Variants in GABPB1 observed in about 807,000 individuals in gnomAD.
The protein encoded by GABPB1 is GA-binding protein subunit beta-1.
A neutral mutation model predicts 45.9 loss-of-function variants in GABPB1; 15 were observed. The ratio of observed to expected loss-of-function variants is 0.33; its 90% CI spans 0.22 to 0.50. The LOEUF is 0.50. Ranked by LOEUF, GABPB1 falls within the 20% of genes least tolerant of loss-of-function variation. The pLI is 0.98. For synonymous variants in GABPB1, 143 were observed against 154.4 expected, an observed-to-expected ratio of 0.93 and a Z score of 0.55; for missense variants, 252 against 457.5, an observed-to-expected ratio of 0.55 and a Z score of 4.10.
chr15:50,289,173 G>A (rs968503821), intron 7 of GABPB1, among the ~76,000 whole-genome samples: 2 of 152,078 alleles, frequency 1.3e-5, no homozygotes, highest in African/African-American at 4.8e-5. Context: ...TATTATTTGT[G>A]TTGACATTTA....
intron 1 of GABPB1, among the ~76,000 whole-genome samples, chr15:50,337,850 A>G (rs193205564): frequency 8.4e-4 from 128 of 152,286 alleles, no homozygotes; most frequent in African/African-American, 3.1e-3. Context: ...AAATCCAGAA[A>G]AAAACTACTA....
intron 6 of GABPB1, among the ~76,000 whole-genome samples, chr15:50,290,617 TA>T: frequency 6.6e-6 from 1 of 151,924 alleles, no homozygotes; most frequent in South Asian, 2.1e-4. Context: ...CCACAATTCA[TA>T]AGATGAATTT....
chr15:50,348,246 CAGG>C (rs2141181674), intron 1 of GABPB1, among the ~76,000 whole-genome samples: 1 of 152,074 alleles, frequency 6.6e-6, no homozygotes, highest in Admixed American at 6.6e-5. Context: ...TCAGGACCAA[CAGG>C]AGTAGTTTTT....
chr15:50,343,765 C>T (rs977571148), intron 1 of GABPB1, among the ~76,000 whole-genome samples: 6 of 152,128 alleles, frequency 3.9e-5, no homozygotes, highest in African/African-American at 1.4e-4. Context: ...TCTTGATCTC[C>T]TGACCTCATG....
intron 1 of GABPB1, among the ~76,000 whole-genome samples, chr15:50,314,996 C>T (rs1199424355): frequency 2.0e-5 from 3 of 152,162 alleles, no homozygotes; most frequent in Non-Finnish European, 4.4e-5. Flanking sequence ...ACTGTGACAT[C>T]TAATGTAGTG....
intron 7 of GABPB1, among the ~76,000 whole-genome samples, chr15:50,287,529 T>C (rs2046205555): frequency 6.6e-6 from 1 of 152,108 alleles, no homozygotes; most frequent in Non-Finnish European, 1.5e-5. Flanking sequence ...AGGACACAGA[T>C]AACACAAATA....
intron 1 of GABPB1, chr15:50,354,351 C>G: frequency 2.2e-6 from 1 of 448,450 alleles, no homozygotes; most frequent in Non-Finnish European, 4.5e-6. Flanking sequence ...GCTGCGGGGG[C>G]CCCGCGCGGG....
chr15:50,301,308 C>T lies in GABPB1; in HGVS notation c.532G>A (p.Ala178Thr), dbSNP rs2046736963. Residue 178 changes from alanine (A) to threonine (T), a missense_variant, in exon 5 of 9, where the codon GCT becomes ACT. Physicochemically the swap from Ala to Thr is moderately conservative, Grantham distance 58. Transcript: ENST00000380877. Reference sequence around the variant, plus strand: ...CCAATGATAAACTGTGGTGTTGCAGCATGTATTGTCACAGTGTCAGGACTC... The same window carrying T: ...CCAATGATAAACTGTGGTGTTGCAGTATGTATTGTCACAGTGTCAGGACTC... ...PESPDTVTIH[A>T]ATPQFIIGPG... The T allele has an allele frequency of 6.2e-7, 1 of 1,613,964 alleles. No individual in the cohort carries two copies. Among genetic ancestry groups the T allele is most frequent in the South Asian group, 1.1e-5 (1 of 91,084 alleles).
chr15:50,354,823 A>T (rs1454635346), intron 1 of GABPB1, 162 bp downstream of exon 1: 2 of 231,686 alleles, frequency 8.6e-6, no homozygotes, highest in African/African-American at 4.8e-5. Context: ...CCCCCGCGGA[A>T]TAAGCGGGGC....
intron 1 of GABPB1, among the ~76,000 whole-genome samples, chr15:50,314,023 T>C (rs2141064449): frequency 6.6e-6 from 1 of 152,302 alleles, no homozygotes; most frequent in East Asian, 1.9e-4. Context: ...ACATGAATTA[T>C]AATAAAATCA....
chr15:50,292,483 G>A (rs2046382850), intron 6 of GABPB1, among the ~76,000 whole-genome samples: 1 of 152,084 alleles, frequency 6.6e-6, no homozygotes, highest in Admixed American at 6.6e-5. Flanking sequence ...TAGTTGCAAA[G>A]GGGAAAATCT....
chr15:50,326,661 CA>C (rs34211265), intron 1 of GABPB1, among the ~76,000 whole-genome samples: 23 of 143,706 alleles, frequency 1.6e-4, no homozygotes, highest in Admixed American at 2.8e-4. Context: ...GACTCCGTCT[CA>C]AAAAAAAAAA....
chr15:50,338,801 C>T (rs2048238042), intron 1 of GABPB1, among the ~76,000 whole-genome samples: 1 of 152,196 alleles, frequency 6.6e-6, no homozygotes, highest in South Asian at 2.1e-4. Flanking sequence ...ACAGTATAAG[C>T]TATCTACCAC....
rs2046812223 is a variant in GABPB1 at position 50,303,001 on chromosome 15, T to C, written c.399A>G (p.Gln133=). ...CAAATGCAGTTTTACAAAATTTACT[T>C]TGCGTGTGTACATCAGCACCATATT... ...LIKYGADVHT[Q]SKFCKTAFDI... Residue 133 remains glutamine (Q), a synonymous_variant, in exon 4 of 9, where the codon CAA becomes CAG. Transcript: ENST00000380877. The C allele has an allele frequency of 6.2e-7, 1 of 1,613,906 alleles. No homozygotes were observed. The highest frequency in any genetic ancestry group is 8.5e-7 in the Non-Finnish European group (1 of 1,179,862).
chr15:50,309,215 T>C (rs2047047351), intron 2 of GABPB1, among the ~76,000 whole-genome samples: 1 of 152,212 alleles, frequency 6.6e-6, no homozygotes, highest in South Asian at 2.1e-4. Flanking sequence ...AACTACCTTC[T>C]TTCCATAGTT....
chr15:50,288,858 C>T (rs1412331195), intron 7 of GABPB1, among the ~76,000 whole-genome samples: 3 of 151,652 alleles, frequency 2.0e-5, no homozygotes, highest in Non-Finnish European at 4.4e-5. Context: ...AAGAGTTTCT[C>T]TCTGTTGCCC....
chr15:50,318,193 C>T (rs888410893), intron 1 of GABPB1, among the ~76,000 whole-genome samples: 3 of 152,046 alleles, frequency 2.0e-5, no homozygotes, highest in Non-Finnish European at 4.4e-5. Flanking sequence ...AAAGATTTAC[C>T]AAAGAACACT....
At chr15:50,326,534 C>A (rs1017729409) in intron 1 of GABPB1, among the ~76,000 whole-genome samples, 1 of 152,008 alleles carries the variant, frequency 6.6e-6, no homozygotes, top group Admixed American at 6.6e-5. Flanking sequence ...TGGTGGCATG[C>A]GCCTATAGTC....
At chr15:50,316,055 T>A (rs1364200621) in intron 1 of GABPB1, among the ~76,000 whole-genome samples, 1 of 150,216 alleles carries the variant, frequency 6.7e-6, no homozygotes, top group East Asian at 1.9e-4. Context: ...AGAGCAAGAC[T>A]GTCTCAAAAA....
Sources: allele counts gnomAD v4.1 joint callset (sites outside exome capture counted in the v4.1 genomes callset), GRCh38; gene constraint gnomAD v4.1.1; transcripts MANE v1.5; gene names NCBI Gene and HGNC (gene_info 2026-07-23, HGNC 2026-07-21).